The following ARNT2 variants were observed in gnomAD, a reference collection of about 807,000 sequenced individuals.
ARNT2 encodes ARNT protein 2.
ARNT2 carries 36 observed loss-of-function variants against 91.7 expected under a neutral mutation model. The observed-to-expected ratio is 0.39, with a 90% confidence interval of 0.30 to 0.52. The LOEUF is 0.52. Among genes scored for constraint, ARNT2 ranks in the 20% least tolerant of loss-of-function variants. ARNT2 has a pLI of 0.72. For missense variants in ARNT2, 775 were observed against 939.3 expected (o/e 0.83, Z 2.29); for synonymous variants, 365 against 347.1 (o/e 1.05, Z -0.57).
At chr15:80,580,037 A>G (rs555339639) in intron 15 of ARNT2, 1 of 184,860 alleles carries the variant, frequency 5.4e-6, no homozygotes, top group East Asian at 1.3e-4. Context: ...GAGTGAGTGA[A>G]CAGTGGGACT....
chr15:80,565,415 C>T (rs1314172819), intron 12 of ARNT2, among the ~76,000 whole-genome samples: 4 of 152,186 alleles, frequency 2.6e-5, no homozygotes, highest in Non-Finnish European at 4.4e-5. Flanking sequence ...CTGTTTTTAG[C>T]TCCTTGAGAA....
chr15:80,482,633 C>T (rs999817847), intron 5 of ARNT2, among the ~76,000 whole-genome samples: 4 of 152,108 alleles, frequency 2.6e-5, no homozygotes, highest in Admixed American at 1.3e-4. Flanking sequence ...GCCAGAACAG[C>T]GTTTAGTGGG....
rs1157259538 is a variant in ARNT2, at chr15:80,539,030, A to AT, written c.878-12162dup. On this transcript the variant is annotated intron_variant, in intron 8 of 18. Transcript: ENST00000303329. ...TCAAAAAAAATTTTTTTTCTTTTGT[A>AT]TTTTTTTAATGAGAAAAGATCAAAG... is the stretch of plus-strand genomic sequence containing the variant. Among the ~76,000 whole-genome samples the AT allele has an allele frequency of 7.2e-5, 11 of 152,102 alleles. No homozygotes were observed. The South Asian group carries it at 1.2e-3, about 17-fold the overall frequency.
At chr15:80,495,271 T>C (rs151305556) in intron 5 of ARNT2, among the ~76,000 whole-genome samples, 1 of 152,352 alleles carries the variant, frequency 6.6e-6, no homozygotes, top group Non-Finnish European at 1.5e-5. Flanking sequence ...GAGCCCATTC[T>C]GCTCAGTGAA....
chr15:80,430,713 T>G (rs915089888), intron 1 of ARNT2, among the ~76,000 whole-genome samples: 2 of 152,228 alleles, frequency 1.3e-5, no homozygotes, highest in African/African-American at 4.8e-5. Flanking sequence ...GTGGTCTTTT[T>G]TGCCTTAGTG....
intron 1 of ARNT2, among the ~76,000 whole-genome samples, chr15:80,426,934 G>A (rs923628258): frequency 6.6e-6 from 1 of 152,128 alleles, no homozygotes; most frequent in Non-Finnish European, 1.5e-5. Context: ...GCAGGGAAGC[G>A]AGCTGTCTGG....
chr15:80,414,679 C>T (rs753378789), intron 1 of ARNT2, among the ~76,000 whole-genome samples: 4 of 152,006 alleles, frequency 2.6e-5, no homozygotes, highest in Non-Finnish European at 4.4e-5. Flanking sequence ...AATCGTTTGC[C>T]ATAATTTGAT....
At chr15:80,480,837 T>C (rs189950278) in intron 5 of ARNT2, among the ~76,000 whole-genome samples, 2 of 152,234 alleles carry the variant, frequency 1.3e-5, no homozygotes, top group African/African-American at 4.8e-5. Flanking sequence ...TCCCTCTTTC[T>C]TTCTTTCTCT....
At chr15:80,452,837 C>T (rs1294162391) in intron 2 of ARNT2, among the ~76,000 whole-genome samples, 1 of 152,216 alleles carries the variant, frequency 6.6e-6, no homozygotes, top group Admixed American at 6.5e-5. Context: ...GAGGCTGCTT[C>T]CCTCCTCGGC....
Position 80,596,816 on chromosome 15 carries a change from G to A in ARNT2, c.*3118G>A, listed in dbSNP as rs1456980341. 4 of 272,826 alleles carry A rather than the reference G, an allele frequency of 1.5e-5. No individual in the cohort carries two copies. The East Asian group carries it at 3.5e-4, about 24-fold the overall frequency. The allele number at this position is 272,826 out of a possible 1,614,324, so 16.9% of individuals were successfully genotyped here. On this transcript the variant is annotated 3_prime_UTR_variant, in exon 19 of 19. Transcript: ENST00000303329. Reference sequence around the variant, plus strand: ...TGTACAGTGACAACCCGGGCCGGCAGCAAGGACACAGATGCAGCCACAGTA... The same window carrying A: ...TGTACAGTGACAACCCGGGCCGGCAACAAGGACACAGATGCAGCCACAGTA...
At chr15:80,592,583 C>T (rs1893299826) in intron 18 of ARNT2, among the ~76,000 whole-genome samples, 1 of 152,348 alleles carries the variant, frequency 6.6e-6, no homozygotes, top group African/African-American at 2.4e-5. Flanking sequence ...ATCCCAAGCC[C>T]CTCTCCTGCC....
At chr15:80,512,039 A>T (rs1363779251) in intron 6 of ARNT2, among the ~76,000 whole-genome samples, 15 of 152,286 alleles carry the variant, frequency 9.8e-5, no homozygotes, top group Admixed American at 7.8e-4. Context: ...GTGCCACAGG[A>T]TCTGTGACTT....
chr15:80,597,746 G>A lies in ARNT2; in HGVS notation c.*4048G>A, dbSNP rs1322407227. On this transcript the variant is annotated 3_prime_UTR_variant, in exon 19 of 19. Coordinates refer to ENST00000303329, the MANE Select transcript of ARNT2 (RefSeq NM_014862.4). ...GAAAAGATTTCATAAGCAGGTGTCAGTGGACAGTTTAAGTACTTAACCATT... is the reference window on the plus strand; with the variant it reads ...GAAAAGATTTCATAAGCAGGTGTCAATGGACAGTTTAAGTACTTAACCATT... The A allele has an allele frequency of 6.3e-6, 1 of 157,814 alleles. No individual in the cohort carries two copies. The highest frequency in any genetic ancestry group is 1.4e-5 in the Non-Finnish European group (1 of 71,030). 9.8% of individuals were successfully genotyped at this position (157,814 alleles called of 1,614,324 possible). A position where few individuals can be genotyped will look rare whatever the true frequency, so the allele number is the denominator to read the frequency against.
At position 80,508,272 on chromosome 15, in the gene ARNT2, G is replaced by A; in HGVS notation, c.725+14G>A. 6 of 1,613,454 alleles carry A rather than the reference G, an allele frequency of 3.7e-6. No individual in the cohort carries two copies. Among genetic ancestry groups the A allele is most frequent in the Non-Finnish European group, 5.1e-6 (6 of 1,179,510 alleles). ...CTGCAGGATGAGGTCTGTTTTGGGG[G>A]AGCAGCAGGCCATCAGGTGGTTGGT... On this transcript the variant is annotated intron_variant, in intron 6 of 18. Coordinates refer to ENST00000303329, the MANE Select transcript of ARNT2 (RefSeq NM_014862.4).
intron 5 of ARNT2, among the ~76,000 whole-genome samples, chr15:80,507,881 G>A (rs189467189): frequency 9.1e-4 from 138 of 152,334 alleles, no homozygotes; most frequent in African/African-American, 3.2e-3. Flanking sequence ...GAGGGAGAGA[G>A]CCAAATTGGA....
At chr15:80,515,906 A>G (rs1185593287) in intron 8 of ARNT2, among the ~76,000 whole-genome samples, 2 of 141,576 alleles carry the variant, frequency 1.4e-5, no homozygotes, top group African/African-American at 5.3e-5. Context: ...AGTTTCACTC[A>G]TTACCCAGGC....
intron 16 of ARNT2, among the ~76,000 whole-genome samples, chr15:80,580,882 C>T (rs1165151817): frequency 6.6e-6 from 1 of 152,088 alleles, no homozygotes; most frequent in Non-Finnish European, 1.5e-5. Context: ...GGCATGAAAC[C>T]ACCAACCCTT....
At chr15:80,582,930 C>T (rs905804065) in intron 17 of ARNT2, among the ~76,000 whole-genome samples, 2 of 152,170 alleles carry the variant, frequency 1.3e-5, no homozygotes, top group African/African-American at 4.8e-5. Flanking sequence ...GGAGAGACCC[C>T]TTCACCTCCT....
chr15:80,412,178 A>AT (rs1011233540), intron 1 of ARNT2, among the ~76,000 whole-genome samples: 4 of 152,238 alleles, frequency 2.6e-5, no homozygotes, highest in African/African-American at 9.6e-5. Flanking sequence ...CAATTTGACC[A>AT]TTTTTTTCAG....
Sources: allele counts gnomAD v4.1 joint callset (sites outside exome capture counted in the v4.1 genomes callset), GRCh38; gene constraint gnomAD v4.1.1; transcripts MANE v1.5; gene names NCBI Gene and HGNC (gene_info 2026-07-23, HGNC 2026-07-21).